The following LAMC2 variants were observed in gnomAD, a reference collection of about 807,000 sequenced individuals.
The protein encoded by LAMC2 is laminin subunit gamma-2.
Under a neutral mutation model 140.2 loss-of-function variants are expected in LAMC2, and 97 were observed. The ratio of observed to expected loss-of-function variants is 0.69; its 90% CI spans 0.59 to 0.82. The LOEUF (loss-of-function observed/expected upper bound fraction) is 0.82. Among genes scored for constraint, LAMC2 ranks in the 40% least tolerant of loss-of-function variants. The probability of loss-of-function intolerance (pLI) is 0.00; values close to 1 mark genes in which losing one functional copy is unlikely to be tolerated. For missense variants in LAMC2, 1,402 were observed against 1,476.1 expected, an observed-to-expected ratio of 0.95 and a Z score of 0.82; for synonymous variants, 513 against 540.2, an observed-to-expected ratio of 0.95 and a Z score of 0.70.
At chr1:183,257,382 A>G in the LAMC2 span, among the ~76,000 whole-genome samples, 1 of 152,140 alleles carries the variant, frequency 6.6e-6, no homozygotes, top group Non-Finnish European at 1.5e-5. Flanking sequence ...CGGAGGTTGC[A>G]GTGAGCCAAG....
intron 3 of LAMC2, 97 bp from the exon 4 acceptor site, chr1:183,218,293 A>G (rs1039518354): frequency 1.0e-6 from 1 of 982,392 alleles, no homozygotes; most frequent in African/African-American, 1.6e-5. Context: ...AGGACTGCCC[A>G]GCTTCGTGAT....
At position 183,186,304 on chromosome 1, in the gene LAMC2, G is replaced by A; in HGVS notation, c.-49G>A. ...GTGAGAACCACCAACCGAGGCGCCG[G>A]GCAGCGACCCCTGCAGCGGAGACAG... On this transcript the variant is annotated 5_prime_UTR_variant, in exon 1 of 23. Transcript: ENST00000264144. 6.4e-7 allele frequency: 1 copy of A among 1,551,544 alleles called. No homozygotes were observed. Among genetic ancestry groups the A allele is most frequent in the Non-Finnish European group, 8.7e-7 (1 of 1,154,238 alleles).
At chr1:183,255,147 T>C in the LAMC2 span, among the ~76,000 whole-genome samples, 1 of 152,242 alleles carries the variant, frequency 6.6e-6, no homozygotes, top group Admixed American at 6.5e-5. Flanking sequence ...AATCCAGTTT[T>C]TCCAGCACCA....
rs1299324258 is a variant in LAMC2 at position 183,235,665 on chromosome 1, G to A, written c.2391G>A (p.Leu797=). 6.2e-7 allele frequency: 1 copy of A among 1,614,108 alleles called. No homozygotes were observed. Among genetic ancestry groups the A allele is most frequent in the Non-Finnish European group, 8.5e-7 (1 of 1,180,040 alleles). Reference sequence around the variant, plus strand: ...CCCTCTCACTGGTGCGCAAGGCCCTGCATGAAGGAGTCGGAAGCGGAAGCG... The same window carrying A: ...CCCTCTCACTGGTGCGCAAGGCCCTACATGAAGGAGTCGGAAGCGGAAGCG... ...KQALSLVRKA[L]HEGVGSGSGS... The change falls in exon 16 of 23, where the codon CTG becomes CTA. Residue 797 remains leucine (L), a synonymous_variant. Transcript: ENST00000264144.
chr1:183,220,449 AC>A (rs1472279216), intron 4 of LAMC2, among the ~76,000 whole-genome samples: 5 of 151,942 alleles, frequency 3.3e-5, no homozygotes, highest in Non-Finnish European at 5.9e-5. Context: ...AGTCTTTGTC[AC>A]CATTAAACAG....
chr1:183,204,512 T>C (rs1658823225), intron 1 of LAMC2, among the ~76,000 whole-genome samples: 1 of 146,308 alleles, frequency 6.8e-6, no homozygotes. Context: ...CACGCCTCTA[T>C]TCCCAGCTAC....
At position 183,186,442 on chromosome 1, in the gene LAMC2, T is replaced by C. The variant is rs1372056741; in HGVS notation, c.79+11T>C. ...CCTCCAGGAGGGAAGGTGAGTCGGC[T>C]TCCACAAGGAAACATCTCAGCCCTG... is the stretch of plus-strand genomic sequence containing the variant. On this transcript the variant is annotated intron_variant, in intron 1 of 22. Transcript: ENST00000264144. 6.2e-7 allele frequency: 1 copy of C among 1,602,344 alleles called. No individual in the cohort carries two copies. The highest frequency in any genetic ancestry group is 2.2e-5 in the East Asian group (1 of 44,864).
chr1:183,186,314 C>G lies in LAMC2; in HGVS notation c.-39C>G. On this transcript the variant is annotated 5_prime_UTR_variant, in exon 1 of 23. Transcript: ENST00000264144. ...CCAACCGAGGCGCCGGGCAGCGACC[C>G]CTGCAGCGGAGACAGAGACTGAGCG... The G allele has an allele frequency of 6.4e-7, 1 of 1,564,984 alleles. No homozygotes were observed.
Position 183,215,468 on chromosome 1 carries a change from G to A in LAMC2, c.284G>A (p.Arg95Gln), listed in dbSNP as rs368028478. ...NCNSKGSLSA[R>Q]CDNSGRCSCK... ...TGGGTTTCAGGTTCTCTTAGTGCTC[G>A]ATGTGACAACTCCGGACGGTGCAGC... Residue 95 changes from arginine to glutamine, a missense_variant, in exon 3 of 23, where the codon CGA becomes CAA. Around this residue, in one of 3 missense-constraint regions of LAMC2, gnomAD observed 723 missense variants for 783.3 expected, o/e 0.92. Transcript: ENST00000264144. 67 of 1,613,788 alleles carry A rather than the reference G, an allele frequency of 4.2e-5. No individual in the cohort carries two copies. The Middle Eastern group carries it at 9.9e-4, about 24-fold the overall frequency.
intron 18 of LAMC2, among the ~76,000 whole-genome samples, chr1:183,237,980 C>G (rs951898524): frequency 6.6e-6 from 1 of 152,128 alleles, no homozygotes; most frequent in African/African-American, 2.4e-5. Flanking sequence ...TCGGTCAGCC[C>G]TCAAACCTAG....
In LAMC2 at chr1:183,231,092, G is replaced by A. The variant is rs1360173741; in HGVS notation, c.1846G>A (p.Val616Met). ...CAGCTGTCCAGCTTGCTATAATCAA[G>A]TGAAGATTCAGGTATGCATTCTTCC... ...AFSCPACYNQVKIQMDQFMQQ... is the reference protein window; with the variant it reads ...AFSCPACYNQMKIQMDQFMQQ... Residue 616 changes from valine (V) to methionine (M), a missense_variant, in exon 12 of 23, where the codon GTG becomes ATG. Val to Met is a conservative substitution (Grantham distance 21). Around this residue, in one of 3 missense-constraint regions of LAMC2, gnomAD observed 9 missense variants for 25.6 expected, o/e 0.35. Transcript: ENST00000264144. 6.2e-7 allele frequency: 1 copy of A among 1,614,012 alleles called. No homozygotes were observed. Among genetic ancestry groups the A allele is most frequent in the African/African-American group, 1.3e-5 (1 of 74,910 alleles).
At position 183,233,246 on chromosome 1, in the gene LAMC2, AAATG is replaced by A. The variant is rs796165841; in HGVS notation, c.2220+404_2220+407del. On this transcript the variant is annotated intron_variant, in intron 14 of 22. Coordinates refer to ENST00000264144, the MANE Select transcript of LAMC2 (RefSeq NM_005562.3). ...ATTTCTAGTGTATGAATGAATGGAT[AAATG>A]AATGAATGAATGAAAAAGGAAGGAA... is the stretch of plus-strand genomic sequence containing the variant. Among the ~76,000 whole-genome samples the A allele has an allele frequency of 2.0e-4, 30 of 152,252 alleles. 1 individual carries two copies. The South Asian group carries it at 5.8e-3, about 29-fold the overall frequency.
At chr1:183,247,297 A>G (rs1318005318), downstream of LAMC2, among the ~76,000 whole-genome samples, 2 of 152,216 alleles carry the variant, frequency 1.3e-5, no homozygotes, top group Non-Finnish European at 2.9e-5. Context: ...GGGCGACAAG[A>G]GCGAAACTCT....
intron 4 of LAMC2, 150 bp from the exon 5 acceptor site, chr1:183,220,675 G>T: frequency 1.4e-6 from 1 of 736,926 alleles, no homozygotes. Flanking sequence ...TCTGGGGGTG[G>T]GGGTGATATG....
In LAMC2 at chr1:183,207,903, C is replaced by A; in HGVS notation, c.102C>A (p.Ser34=). 4.3e-6 allele frequency: 7 copies of A among 1,611,458 alleles called. No homozygotes were observed. Among genetic ancestry groups the A allele is most frequent in the Non-Finnish European group, 5.9e-6 (7 of 1,179,678 alleles). Residue 34 remains serine (S), a synonymous_variant, in exon 2 of 23, where the codon TCC becomes TCA. Transcript: ENST00000264144. ...CAGTCTGTGATTGCAATGGGAAGTCCAGGCAGTGTATCTTTGATCGGGAAC... is the reference window on the plus strand; with the variant it reads ...CAGTCTGTGATTGCAATGGGAAGTCAAGGCAGTGTATCTTTGATCGGGAAC... ...RREVCDCNGK[S]RQCIFDRELH...
rs372357052 is a variant in LAMC2 at position 183,215,553 on chromosome 1, C to T, written c.369C>T (p.Leu123=). ...CDRCLPGFHM[L]TDAGCTQDQR... is the part of the protein sequence containing the mutation. The stretch of plus-strand genomic sequence containing the variant: ...GATGTCTGCCAGGCTTCCACATGCT[C>T]ACGGATGCGGGGTGCACCCAAGACC... The change falls in exon 3 of 23, where the codon CTC becomes CTT. Residue 123 remains leucine, a synonymous_variant. Coordinates refer to ENST00000264144, the MANE Select transcript of LAMC2 (RefSeq NM_005562.3). The T allele has an allele frequency of 5.6e-6, 9 of 1,614,080 alleles. No individual in the cohort carries two copies. In the African/African-American group the frequency reaches 1.2e-4, roughly 22 times the overall value.
rs1660186934 is a variant in LAMC2, at chr1:183,243,743, T to C, written c.*343T>C. ...AGTCCTGGAATTTGGACAAGTGCTG[T>C]TGGGATATAGTCAACTTATTCTTTG... On this transcript the variant is annotated 3_prime_UTR_variant, in exon 23 of 23. Coordinates refer to ENST00000264144, the MANE Select transcript of LAMC2 (RefSeq NM_005562.3). 1 of 368,788 alleles carries C rather than the reference T, an allele frequency of 2.7e-6. No individual in the cohort carries two copies. The allele number at this position is 368,788 out of a possible 1,614,324, so 22.8% of individuals were successfully genotyped here.
chr1:183,227,783 C>G (rs1212604443), intron 10 of LAMC2, 86 bp downstream of exon 10: 20 of 1,270,768 alleles, frequency 1.6e-5, no homozygotes, highest in Non-Finnish European at 2.1e-5. Flanking sequence ...CCGAGGAATT[C>G]CTAGGAAATT....
At chr1:183,187,169 A>C (rs1174043915) in intron 1 of LAMC2, among the ~76,000 whole-genome samples, 1 of 152,204 alleles carries the variant, frequency 6.6e-6, no homozygotes, top group East Asian at 1.9e-4. Flanking sequence ...ATGCCTGTAT[A>C]ATTGCCCTGA....
Sources: gnomAD v4.1 joint callset for allele counts (sites outside exome capture counted in the v4.1 genomes callset) on GRCh38, gnomAD v4.1.1 for gene constraint, gnomAD v4.1.1 regional missense constraint, MANE v1.5 for transcripts, NCBI Gene and HGNC (gene_info 2026-07-23, HGNC 2026-07-21) for gene names.